Variants in RAB39A observed in about 807,000 individuals in gnomAD.
RAB39A encodes RAB39A, member RAS oncogene family, also known as ras-related protein Rab-39A.
In RAB39A, 17 loss-of-function variants were observed where a neutral mutation model predicts 20.9. That is an observed-to-expected ratio of 0.81 (90% CI 0.56 to 1.22). The LOEUF is 1.22. RAB39A is among the 50% of genes most tolerant of loss of function. The probability of loss-of-function intolerance (pLI) is 0.00; values close to 1 mark genes in which losing one functional copy is unlikely to be tolerated. For missense variants in RAB39A, 234 were observed against 270.5 expected (o/e 0.87, Z 0.95); for synonymous variants, 99 against 103.4 (o/e 0.96, Z 0.26).
chr11:107,942,353 G>T (rs935686426), intron 1 of RAB39A, among the ~76,000 whole-genome samples: 2 of 152,176 alleles, frequency 1.3e-5, no homozygotes, highest in Non-Finnish European at 2.9e-5. Context: ...TACAGCCATT[G>T]GACTGGGAAG....
chr11:107,951,555 C>T (rs908973612), intron 1 of RAB39A, among the ~76,000 whole-genome samples: 12 of 150,408 alleles, frequency 8.0e-5, no homozygotes, highest in African/African-American at 2.7e-4. Context: ...GAGGCCTGTG[C>T]GTATCCAACA....
At chr11:107,936,932 TC>T (rs200578722) in intron 1 of RAB39A, among the ~76,000 whole-genome samples, 1,482 of 83,896 alleles carry the variant, frequency 0.018, 40 homozygotes, top group African/African-American at 0.049. Context: ...AGACTCCCCC[TC>T]CAAAAAAAAA....
chr11:107,930,229 G>A (rs1336399305), intron 1 of RAB39A, among the ~76,000 whole-genome samples: 2 of 151,064 alleles, frequency 1.3e-5, no homozygotes, highest in Admixed American at 1.3e-4. Flanking sequence ...CATGAAAAAT[G>A]TTTTTCCTTT....
chr11:107,928,663 G>A lies in RAB39A; in HGVS notation c.95G>A (p.Arg32His). 9.9e-6 allele frequency: 16 copies of A among 1,612,258 alleles called. No homozygotes were observed. Among genetic ancestry groups the A allele is most frequent in the Non-Finnish European group, 1.4e-5 (16 of 1,178,926 alleles). ...CTCCTGCACCGCTTCACCCAGGGCC[G>A]CTTCCCCGGGCTGCGCTCCCCCGCC... is the stretch of plus-strand genomic sequence containing the variant. ...SCLLHRFTQG[R>H]FPGLRSPACD... Residue 32 changes from arginine to histidine, a missense_variant, in exon 1 of 2, where the codon CGC (arginine) becomes CAC (histidine). Arg to His is a conservative substitution (Grantham distance 29, BLOSUM62 0). Transcript: ENST00000320578. The surrounding 1 kb of genome is among the most constrained non-coding windows in gnomAD (Gnocchi z 4.9).
At chr11:107,943,151 G>A (rs61302748) in intron 1 of RAB39A, among the ~76,000 whole-genome samples, 27,608 of 152,182 alleles carry the variant, frequency 0.18, 2,605 homozygotes, top group Middle Eastern at 0.29. Flanking sequence ...TAGATAAGAA[G>A]AAGTGTTGGG....
At chr11:107,935,900 CTTTTTTTTT>C in intron 1 of RAB39A, among the ~76,000 whole-genome samples, 1 of 81,610 alleles carries the variant, frequency 1.2e-5, no homozygotes, top group South Asian at 4.8e-4. Flanking sequence ...GTCCTGGCCA[CTTTTTTTTT>C]TTTTTTTTTT....
rs1315934948 is a variant in RAB39A at position 107,946,436 on chromosome 11, G to GTGTGTGTGTGTA, written c.228-15509_228-15508insGTGTGTGTGTAT. On this transcript the variant is annotated intron_variant, in intron 1 of 1. Transcript: ENST00000320578. The stretch of plus-strand genomic sequence containing the variant: ...TGTGTGTGTGTGTGTGTGTGTGTGT[G>GTGTGTGTGTGTA]TATATATATATATATATATATATAT... Among the ~76,000 whole-genome samples, 7 of 30,482 alleles carry GTGTGTGTGTGTA rather than the reference G, an allele frequency of 2.3e-4. No individual in the cohort carries two copies. The East Asian group carries it at 5.3e-3, about 23-fold the overall frequency. 20.0% of individuals were successfully genotyped at this position (30,482 alleles called of 152,430 possible).
intron 1 of RAB39A, among the ~76,000 whole-genome samples, chr11:107,951,854 A>G (rs1301342379): frequency 6.6e-6 from 1 of 152,040 alleles, no homozygotes; most frequent in Non-Finnish European, 1.5e-5. Context: ...ACAGCATCTT[A>G]TCTTCAGTGC....
At chr11:107,961,870 A>G in intron 1 of RAB39A, 76 bp from the exon 2 acceptor site, 1 of 1,105,594 alleles carries the variant, frequency 9.0e-7, no homozygotes, top group Non-Finnish European at 1.3e-6. Context: ...AAATGTTATT[A>G]TGGTGCTAGA....
At chr11:107,935,135 C>A (rs1053080369) in intron 1 of RAB39A, among the ~76,000 whole-genome samples, 1 of 152,020 alleles carries the variant, frequency 6.6e-6, no homozygotes. Flanking sequence ...GATCCAGACC[C>A]CAAGAGAGGG....
intron 1 of RAB39A, among the ~76,000 whole-genome samples, chr11:107,939,759 G>T (rs1861241302): frequency 6.6e-6 from 1 of 152,102 alleles, no homozygotes; most frequent in Non-Finnish European, 1.5e-5. Flanking sequence ...CCCTGTTGCA[G>T]AAGTATTGAT....
intron 1 of RAB39A, among the ~76,000 whole-genome samples, chr11:107,931,832 C>T (rs78486419): frequency 0.012 from 1,841 of 148,136 alleles, 36 homozygotes; most frequent in African/African-American, 0.042. Flanking sequence ...TAATTATGAT[C>T]GTGATTAGCT....
intron 1 of RAB39A, among the ~76,000 whole-genome samples, chr11:107,955,262 G>T (rs1185098853): frequency 1.3e-5 from 2 of 152,018 alleles, no homozygotes; most frequent in Non-Finnish European, 2.9e-5. Context: ...CTCCCAAAGT[G>T]CTGGGATTAC....
At chr11:107,951,665 G>A (rs576201804) in intron 1 of RAB39A, among the ~76,000 whole-genome samples, 22 of 118,268 alleles carry the variant, frequency 1.9e-4, no homozygotes, top group Admixed American at 1.3e-3. Context: ...TGTCACCAAC[G>A]CTGAAATTCA....
In RAB39A at chr11:107,962,087, G is replaced by C. The variant is rs1385366472; in HGVS notation, c.369G>C (p.Leu123=). 6.2e-7 allele frequency: 1 copy of C among 1,614,120 alleles called. No individual in the cohort carries two copies. The part of the protein sequence containing the change: ...MYVQPFRIVF[L]LVGHKCDLAS... The stretch of plus-strand genomic sequence containing the variant: ...TACAGCCATTTCGGATTGTATTTCT[G>C]CTAGTGGGACATAAATGTGATTTAG... The change falls in exon 2 of 2, where the codon CTG becomes CTC. Residue 123 remains leucine (L), a synonymous_variant. Coordinates refer to ENST00000320578, the MANE Select transcript of RAB39A (RefSeq NM_017516.3).
chr11:107,929,060 C>A (rs1375860861), intron 1 of RAB39A, among the ~76,000 whole-genome samples: 1 of 152,168 alleles, frequency 6.6e-6, no homozygotes, highest in Non-Finnish European at 1.5e-5. Context: ...CGGGGTCGTC[C>A]TCGCCGCCCC....
chr11:107,937,556 G>A (rs902780301), intron 1 of RAB39A, among the ~76,000 whole-genome samples: 4 of 148,266 alleles, frequency 2.7e-5, no homozygotes, highest in Non-Finnish European at 6.0e-5. Flanking sequence ...TTTTTTTTGA[G>A]ATGGAGTCTT....
In RAB39A at chr11:107,928,789, G is replaced by C; in HGVS notation, c.221G>C (p.Arg74Pro). ...CTCTGGGACACGGCGGGACAGGAGC[G>C]GTTCAGGTAGGGACCCCGGGGACCT... is the stretch of plus-strand genomic sequence containing the variant. ...LQLWDTAGQE[R>P]FRSITRSYYR... The change falls in exon 1 of 2, where the codon CGG (arginine) becomes CCG (proline). Residue 74 changes from arginine to proline, a missense_variant. By Grantham distance (103) the Arg-to-Pro change is moderately radical. Transcript: ENST00000320578. The surrounding 1 kb of genome is among the most constrained non-coding windows in gnomAD (Gnocchi z 4.9). 1 of 1,559,036 alleles carries C rather than the reference G, an allele frequency of 6.4e-7. No individual in the cohort carries two copies. The highest frequency in any genetic ancestry group is 1.4e-5 in the African/African-American group (1 of 73,644).
intron 1 of RAB39A, among the ~76,000 whole-genome samples, chr11:107,934,687 G>C (rs1267773391): frequency 6.6e-6 from 1 of 152,246 alleles, no homozygotes; most frequent in Admixed American, 6.5e-5. Context: ...AGCACTTTGG[G>C]AGGCCAAGGC....
Sources: allele counts gnomAD v4.1 joint callset (sites outside exome capture counted in the v4.1 genomes callset), GRCh38; gene constraint gnomAD v4.1.1; non-coding constraint Gnocchi (gnomAD v3.1); transcripts MANE v1.5; gene names NCBI Gene and HGNC (gene_info 2026-07-23, HGNC 2026-07-21).